CDH20: variants seen among roughly 807,000 people sequenced by gnomAD.
CDH20 encodes the protein cadherin-20.
CDH20 carries 29 observed loss-of-function variants against 74.2 expected under a neutral mutation model. The ratio of observed to expected loss-of-function variants is 0.39; its 90% confidence interval spans 0.29 to 0.53. CDH20 has a LOEUF of 0.53. Ranked by LOEUF, CDH20 falls within the 20% of genes least tolerant of loss-of-function variation. The pLI is 0.69. For synonymous variants in CDH20, 469 were observed against 405.4 expected (o/e 1.16, Z -1.88); for missense variants, 988 against 1,048.3 (o/e 0.94, Z 0.79).
chr18:61,397,107 G>C (rs1040042596), intron 1 of CDH20, among the ~76,000 whole-genome samples: 1 of 151,928 alleles, frequency 6.6e-6, no homozygotes, highest in Non-Finnish European at 1.5e-5. Flanking sequence ...TGCTTCCATG[G>C]GCATCTAACC....
intron 8 of CDH20, among the ~76,000 whole-genome samples, chr18:61,537,162 C>T (rs1912843822): frequency 6.6e-6 from 1 of 151,880 alleles, no homozygotes; most frequent in African/African-American, 2.4e-5. Flanking sequence ...AGATTATGTA[C>T]TACTACATTC....
chr18:61,503,430 G>C (rs1250796972), intron 5 of CDH20, among the ~76,000 whole-genome samples: 3 of 151,638 alleles, frequency 2.0e-5, no homozygotes, highest in African/African-American at 4.8e-5. Flanking sequence ...AATAAGTTTT[G>C]TTGGGTAGAA....
chr18:61,468,433 T>C (rs1910044719), intron 1 of CDH20, among the ~76,000 whole-genome samples: 2 of 152,052 alleles, frequency 1.3e-5, no homozygotes, highest in Non-Finnish European at 2.9e-5. Flanking sequence ...GGTGTGTGAG[T>C]GTGTGTGTTT....
intron 1 of CDH20, among the ~76,000 whole-genome samples, chr18:61,352,050 C>T (rs1910323031): frequency 6.6e-6 from 1 of 152,188 alleles, no homozygotes; most frequent in Non-Finnish European, 1.5e-5. Context: ...ACTGCCCACT[C>T]CCTCCTTGGA....
chr18:61,380,805 A>G (rs1160873488), intron 1 of CDH20, among the ~76,000 whole-genome samples: 1 of 149,076 alleles, frequency 6.7e-6, no homozygotes, highest in African/African-American at 2.5e-5. Flanking sequence ...GCGACACTCC[A>G]TCTCAAAACA....
At chr18:61,500,581 C>G (rs1368629110) in intron 4 of CDH20, 79 bp downstream of exon 4, 4 of 1,451,954 alleles carry the variant, frequency 2.8e-6, no homozygotes, top group Non-Finnish European at 2.8e-6. Context: ...CCCAACTCTC[C>G]TTTTTAAGGA....
chr18:61,551,437 CAAAG>C (rs1326379967), intron 11 of CDH20, among the ~76,000 whole-genome samples: 1 of 152,232 alleles, frequency 6.6e-6, no homozygotes, highest in East Asian at 1.9e-4. Context: ...AGAGACAGAC[CAAAG>C]AAAGAAGTTC....
chr18:61,516,805 C>T (rs1275868186), intron 6 of CDH20, among the ~76,000 whole-genome samples: 3 of 152,030 alleles, frequency 2.0e-5, no homozygotes, highest in African/African-American at 7.2e-5. Context: ...TCTCTTAAGC[C>T]TAGGAGTTTG....
At chr18:61,476,125 C>A (rs571495256) in intron 1 of CDH20, among the ~76,000 whole-genome samples, 35 of 152,178 alleles carry the variant, frequency 2.3e-4, no homozygotes, top group African/African-American at 8.2e-4. Flanking sequence ...GCCACATCCC[C>A]GTTAAGATGC....
At chr18:61,486,412 A>G (rs529284397) in intron 1 of CDH20, among the ~76,000 whole-genome samples, 6 of 152,308 alleles carry the variant, frequency 3.9e-5, no homozygotes, top group Non-Finnish European at 7.3e-5. Context: ...TTTTACTCCA[A>G]TTTATACTGG....
intron 4 of CDH20, among the ~76,000 whole-genome samples, chr18:61,500,988 G>C (rs1171244775): frequency 6.6e-6 from 1 of 152,204 alleles, no homozygotes; most frequent in East Asian, 1.9e-4. Flanking sequence ...ATCTAGTGTA[G>C]AGAGGTCTCT....
intron 6 of CDH20, among the ~76,000 whole-genome samples, chr18:61,515,154 T>A (rs1911944684): frequency 6.6e-6 from 1 of 152,046 alleles, no homozygotes; most frequent in Admixed American, 6.6e-5. Context: ...TCAGCGAGAC[T>A]CCGTGGGCCT....
chr18:61,491,490 C>T (rs775100987), intron 2 of CDH20, among the ~76,000 whole-genome samples: 18 of 152,156 alleles, frequency 1.2e-4, no homozygotes, highest in East Asian at 1.9e-4. Flanking sequence ...GTAACTTAAA[C>T]GCTTGTTTAG....
chr18:61,443,245 GAA>G (rs556464505), intron 1 of CDH20, among the ~76,000 whole-genome samples: 2,282 of 152,098 alleles, frequency 0.015, 19 homozygotes, highest in Non-Finnish European at 0.024. Flanking sequence ...CAGCATAAAT[GAA>G]AAAACTGGGC....
At chr18:61,475,507 C>T (rs1342321581) in intron 1 of CDH20, among the ~76,000 whole-genome samples, 1 of 152,186 alleles carries the variant, frequency 6.6e-6, no homozygotes, top group Non-Finnish European at 1.5e-5. Flanking sequence ...TTCATCATCA[C>T]TCTGTTTATC....
chr18:61,441,569 A>T (rs1184400885), intron 1 of CDH20, among the ~76,000 whole-genome samples: 1 of 152,208 alleles, frequency 6.6e-6, no homozygotes, highest in African/African-American at 2.4e-5. Context: ...TATTGAAGAT[A>T]GTAAGACAAA....
intron 1 of CDH20, among the ~76,000 whole-genome samples, chr18:61,448,746 CCATATT>C (rs1909282681): frequency 1.3e-5 from 2 of 152,112 alleles, no homozygotes; most frequent in South Asian, 4.2e-4. Flanking sequence ...GGTGACATTT[CCATATT>C]AAGACAAGTG....
intron 1 of CDH20, among the ~76,000 whole-genome samples, chr18:61,454,085 A>T (rs1909490906): frequency 6.6e-6 from 1 of 152,062 alleles, no homozygotes; most frequent in Non-Finnish European, 1.5e-5. Context: ...TCAAGTGCTT[A>T]TTGGCCATCT....
chr18:61,359,757 C>A (rs2144130888), intron 1 of CDH20, among the ~76,000 whole-genome samples: 1 of 152,260 alleles, frequency 6.6e-6, no homozygotes, highest in East Asian at 1.9e-4. Context: ...TTATAGGTGA[C>A]CCAAAATTGA....
Sources: allele counts gnomAD v4.1 joint callset (sites outside exome capture counted in the v4.1 genomes callset), GRCh38; gene constraint gnomAD v4.1.1; transcripts MANE v1.5; gene names NCBI Gene and HGNC (gene_info 2026-07-23, HGNC 2026-07-21).